Variants in NWD1 observed in about 807,000 individuals in gnomAD.
NWD1 encodes the protein NACHT and WD repeat domain containing 1.
NWD1 carries 129 observed loss-of-function variants against 135.1 expected under a neutral mutation model. The observed-to-expected ratio is 0.96, with a 90% CI of 0.83 to 1.11. The LOEUF (loss-of-function observed/expected upper bound fraction) is 1.11. Ranked by LOEUF, NWD1 falls within the 50% of genes least tolerant of loss-of-function variation. The probability of loss-of-function intolerance (pLI) is 0.00; values close to 1 mark genes in which losing one functional copy is unlikely to be tolerated. For synonymous variants in NWD1, 773 were observed against 786.0 expected, an observed-to-expected ratio of 0.98 and a Z score of 0.28; for missense variants, 1,740 against 1,851.3, an observed-to-expected ratio of 0.94 and a Z score of 1.10.
chr19:16,815,516 A>C lies in NWD1; in HGVS notation c.*477A>C, dbSNP rs1013878907. On this transcript the variant is annotated 3_prime_UTR_variant, in exon 19 of 19. Coordinates refer to ENST00000524140, the MANE Select transcript of NWD1 (RefSeq NM_001007525.5). ...TTTCCTCTTTTTCATTTTCATTCTC[A>C]GACTTGCCACCCCCAGGTTAGCAAC... is the stretch of plus-strand genomic sequence containing the variant. 1 of 553,934 alleles carries C rather than the reference A, an allele frequency of 1.8e-6. No individual in the cohort carries two copies. The highest frequency in any genetic ancestry group is 3.2e-6 in the Non-Finnish European group (1 of 314,092). The allele number at this position is 553,934 out of a possible 1,614,324, so 34.3% of individuals were successfully genotyped here. A position where few individuals can be genotyped will look rare whatever the true frequency, so the allele number is the denominator to read the frequency against.
At chr19:16,726,284 T>C (rs992478078) in intron 2 of NWD1, among the ~76,000 whole-genome samples, 3 of 151,174 alleles carry the variant, frequency 2.0e-5, no homozygotes, top group Non-Finnish European at 3.0e-5. Context: ...TTTAAAAAAC[T>C]TTTTTTTGCA....
chr19:16,803,080 G>A (rs949636352), intron 17 of NWD1, among the ~76,000 whole-genome samples: 3 of 152,146 alleles, frequency 2.0e-5, no homozygotes, highest in South Asian at 2.1e-4. Context: ...GCAAAGTCAC[G>A]TCTTACATGG....
rs367623956 is a variant in NWD1, at chr19:16,749,646, C to G, written c.1004C>G (p.Thr335Ser). 1 of 1,606,674 alleles carries G rather than the reference C, an allele frequency of 6.2e-7. No homozygotes were observed. The highest frequency in any genetic ancestry group is 1.3e-5 in the African/African-American group (1 of 74,900). Residue 335 changes from threonine to serine, a missense_variant, in exon 6 of 19, where the codon ACC (threonine) becomes AGC (serine). Physicochemically the swap from Thr to Ser is moderately conservative, Grantham distance 58. Coordinates refer to ENST00000524140, the MANE Select transcript of NWD1 (RefSeq NM_001007525.5). ...QLRHDDSKQH[T>S]PLVLFGPPGI... The stretch of plus-strand genomic sequence containing the variant: ...AGGCACGATGACAGCAAGCAGCACA[C>G]CCCCCTGGTACTCTTTGGGCCCCCA...
intron 4 of NWD1, among the ~76,000 whole-genome samples, 180 bp from the exon 5 acceptor site, chr19:16,744,241 A>G (rs922130780): frequency 1.3e-5 from 2 of 152,094 alleles, no homozygotes; most frequent in African/African-American, 4.8e-5. Flanking sequence ...ATAAAAACTT[A>G]AAAATTAGCT....
In NWD1 at chr19:16,808,031, G is replaced by T. The variant is rs1238572423; in HGVS notation, c.4182G>T (p.Val1394=). Residue 1394 remains valine, a synonymous_variant, in exon 18 of 19, where the codon GTG becomes GTT. Transcript: ENST00000524140. ...LETHRSRVAC[V]EVSHKEQLVV... The stretch of plus-strand genomic sequence containing the variant: ...CCCACAGGAGCCGAGTTGCCTGTGT[G>T]GAGGTCAGCCACAAGGAGCAGCTGG... 6.2e-7 allele frequency: 1 copy of T among 1,614,152 alleles called. No homozygotes were observed. Among genetic ancestry groups the T allele is most frequent in the Admixed American group, 1.7e-5 (1 of 60,014 alleles).
chr19:16,786,671 C>G (rs888734336), intron 12 of NWD1, among the ~76,000 whole-genome samples: 7 of 152,130 alleles, frequency 4.6e-5, no homozygotes, highest in Admixed American at 2.6e-4. Flanking sequence ...CTCAGCTTCC[C>G]GAGGAGCTGG....
rs773357780 is a variant in NWD1 at position 16,759,285 on chromosome 19, G to A, written c.1830G>A (p.Gln610=). The A allele has an allele frequency of 6.2e-7, 1 of 1,614,178 alleles. No homozygotes were observed. The highest frequency in any genetic ancestry group is 8.5e-7 in the Non-Finnish European group (1 of 1,180,038). Residue 610 remains glutamine, a synonymous_variant, in exon 7 of 19, where the codon CAG becomes CAA. Transcript: ENST00000524140. ...DVLSLDDEVL[Q]DVYRDWTPPS... ...TGTCCCTGGACGACGAGGTCCTGCA[G>A]GATGTGTACCGAGATTGGACCCCGC... is the stretch of plus-strand genomic sequence containing the variant.
Position 16,812,221 on chromosome 19 carries a change from T to C in NWD1, c.4288-2807T>C, listed in dbSNP as rs8110906. On this transcript the variant is annotated intron_variant, in intron 18 of 18. Transcript: ENST00000524140. ...TACTTGAGAGGTTGAGGCAGGAGGA[T>C]AGCTTGAAACCAGGAGGTGGAGGTT... 1.0e-3 allele frequency among the ~76,000 whole-genome samples: 155 copies of C among 151,620 alleles called. 1 individual carries two copies. The highest frequency in any genetic ancestry group is 6.8e-3 in the Middle Eastern group (2 of 294).
chr19:16,721,007 C>T (rs936874718), intron 1 of NWD1, among the ~76,000 whole-genome samples: 9 of 152,032 alleles, frequency 5.9e-5, no homozygotes, highest in African/African-American at 1.4e-4. Flanking sequence ...CATGCCACCG[C>T]GCCAGCTAAT....
intron 12 of NWD1, among the ~76,000 whole-genome samples, chr19:16,780,626 T>C (rs1341581600): frequency 6.6e-6 from 1 of 152,098 alleles, no homozygotes; most frequent in Admixed American, 6.6e-5. Flanking sequence ...TTCTCTTTCC[T>C]TTCCTTTCCT....
intron 17 of NWD1, chr19:16,801,494 T>TG (rs1307764809): frequency 6.6e-6 from 1 of 151,542 alleles, no homozygotes; most frequent in Non-Finnish European, 1.5e-5. Context: ...CCCAGCACTT[T>TG]GGGTGGCTGA....
At chr19:16,795,216 C>T (rs1970379657) in intron 15 of NWD1, among the ~76,000 whole-genome samples, 1 of 152,200 alleles carries the variant, frequency 6.6e-6, no homozygotes, top group South Asian at 2.1e-4. Context: ...GCCACTGCCA[C>T]GACTGAGCAC....
chr19:16,780,304 C>T (rs1207010856), intron 12 of NWD1, among the ~76,000 whole-genome samples: 3 of 151,988 alleles, frequency 2.0e-5, no homozygotes, highest in Admixed American at 6.6e-5. Flanking sequence ...TACAGGCGCC[C>T]GCCACCATGC....
intron 14 of NWD1, among the ~76,000 whole-genome samples, chr19:16,793,890 T>C (rs1037497592): frequency 6.6e-6 from 1 of 152,098 alleles, no homozygotes; most frequent in African/African-American, 2.4e-5. Flanking sequence ...TTTTATGTTT[T>C]TAATTTAAAA....
intron 6 of NWD1, among the ~76,000 whole-genome samples, chr19:16,755,219 C>T (rs1359403982): frequency 6.6e-6 from 1 of 151,948 alleles, no homozygotes; most frequent in Admixed American, 6.6e-5. Flanking sequence ...ATCTCTCTCT[C>T]TCTTTTTTGG....
chr19:16,747,628 C>A (rs903290985), intron 5 of NWD1, among the ~76,000 whole-genome samples: 1 of 152,088 alleles, frequency 6.6e-6, no homozygotes, highest in Non-Finnish European at 1.5e-5. Context: ...CAGCCTCTGC[C>A]TCCCAAAGTG....
chr19:16,812,397 G>A (rs1000217945), intron 18 of NWD1, among the ~76,000 whole-genome samples: 8 of 151,706 alleles, frequency 5.3e-5, no homozygotes, highest in African/African-American at 1.9e-4. Flanking sequence ...GGTCAGGCAC[G>A]TTGGCTCACA....
At chr19:16,759,126 C>A (rs759026561) in intron 6 of NWD1, 99 bp from the exon 7 acceptor site, 123 of 949,202 alleles carry the variant, frequency 1.3e-4, no homozygotes, top group Non-Finnish European at 1.9e-4. Flanking sequence ...GTGCTGGACA[C>A]CGCGCGGGTG....
At chr19:16,748,436 T>C (rs546765153) in intron 5 of NWD1, among the ~76,000 whole-genome samples, 18 of 152,300 alleles carry the variant, frequency 1.2e-4, no homozygotes, top group African/African-American at 4.3e-4. Flanking sequence ...AGTAACTCCA[T>C]GTTTCACTTT....
Sources: gnomAD v4.1 joint callset for allele counts (sites outside exome capture counted in the v4.1 genomes callset) on GRCh38, gnomAD v4.1.1 for gene constraint, MANE v1.5 for transcripts, NCBI Gene and HGNC (gene_info 2026-07-23, HGNC 2026-07-21) for gene names.